LMBR1: variants seen among roughly 807,000 people sequenced by gnomAD.
The protein encoded by LMBR1 is limb development membrane protein 1, also known as limb region 1 protein homolog.
A neutral mutation model predicts 73.9 loss-of-function variants in LMBR1; 52 were observed. The ratio of observed to expected loss-of-function variants is 0.70; its 90% CI spans 0.56 to 0.89. The LOEUF (loss-of-function observed/expected upper bound fraction) is 0.89. LMBR1 is among the 40% of genes least tolerant of loss of function. LMBR1 has a pLI of 0.00. For synonymous variants in LMBR1, 215 were observed against 209.4 expected (o/e 1.03, Z -0.23); for missense variants, 539 against 579.8 (o/e 0.93, Z 0.72).
rs1219267342 is a variant in LMBR1 at position 156,877,860 on chromosome 7, G to T, written c.66+15068C>A. Reference sequence around the variant, plus strand: ...ATCGCGCCACTGCACTCCAGCCTGGGCGACAGAGCGAGACTCCACTCAAAA... The same window carrying T: ...ATCGCGCCACTGCACTCCAGCCTGGTCGACAGAGCGAGACTCCACTCAAAA... On this transcript the variant is annotated intron_variant, in intron 1 of 16. Coordinates refer to ENST00000353442, the MANE Select transcript of LMBR1 (RefSeq NM_022458.4). Among the ~76,000 whole-genome samples, 7 of 148,496 alleles carry T rather than the reference G, an allele frequency of 4.7e-5. No individual in the cohort carries two copies. In the East Asian group the frequency reaches 1.4e-3, roughly 30 times the overall value.
chr7:156,740,299 A>T (rs570553343), intron 9 of LMBR1, among the ~76,000 whole-genome samples: 3 of 152,204 alleles, frequency 2.0e-5, no homozygotes, highest in Non-Finnish European at 2.9e-5. Context: ...GGCAGCAAAG[A>T]GGAGGCAGAG....
downstream of LMBR1, chr7:156,676,930 G>A: frequency 2.6e-6 from 1 of 385,044 alleles, no homozygotes; most frequent in Non-Finnish European, 4.8e-6. Context: ...TAAAAATTGA[G>A]GTTAAGATAT....
intron 15 of LMBR1, among the ~76,000 whole-genome samples, chr7:156,709,752 A>G (rs1811680669): frequency 6.6e-6 from 1 of 152,120 alleles, no homozygotes; most frequent in African/African-American, 2.4e-5. Flanking sequence ...AGTCTACCCA[A>G]ATGAAAAGGA....
At chr7:156,704,207 T>C (rs1810412770) in intron 15 of LMBR1, among the ~76,000 whole-genome samples, 2 of 152,178 alleles carry the variant, frequency 1.3e-5, no homozygotes, top group African/African-American at 4.8e-5. Context: ...ACAGACATGC[T>C]TAGCCCACCA....
intron 1 of LMBR1, among the ~76,000 whole-genome samples, chr7:156,846,815 C>G (rs542407281): frequency 1.8e-4 from 28 of 152,190 alleles, no homozygotes; most frequent in African/African-American, 6.7e-4. Flanking sequence ...TAGTTCAAGA[C>G]AGCTAGAAAC....
chr7:156,734,295 C>A lies in LMBR1; in HGVS notation c.758-38G>T, dbSNP rs751938755. ...AAAAATATTTAGAAGTAAAACAGAA[C>A]CCCTAACACTATAGAACAGGTAGCC... On this transcript the variant is annotated intron_variant, in intron 9 of 16. Transcript: ENST00000353442. 6.7e-6 allele frequency: 9 copies of A among 1,352,478 alleles called. No homozygotes were observed. The South Asian group carries it at 9.1e-5, about 14-fold the overall frequency. 83.8% of individuals were successfully genotyped at this position (1,352,478 alleles called of 1,614,324 possible). A position where few individuals can be genotyped will look rare whatever the true frequency, so the allele number is the denominator to read the frequency against.
At chr7:156,786,157 G>GGGAA (rs1034619589) in intron 5 of LMBR1, among the ~76,000 whole-genome samples, 8 of 148,898 alleles carry the variant, frequency 5.4e-5, no homozygotes, top group East Asian at 2.0e-4. Flanking sequence ...GAGGCCGGGA[G>GGGAA]GGAAGGAAGG....
At chr7:156,676,256 T>A (rs1563105936), downstream of LMBR1, 1 of 1,535,176 alleles carries the variant, frequency 6.5e-7, no homozygotes, top group South Asian at 1.2e-5. Context: ...TATATATATA[T>A]GTATATATAT....
intron 4 of LMBR1, among the ~76,000 whole-genome samples, chr7:156,671,826 G>A (rs1020041174): frequency 7.0e-6 from 1 of 143,412 alleles, no homozygotes; most frequent in Non-Finnish European, 1.5e-5. Context: ...CGGTGCAGCT[G>A]AGGCTAGAAA....
downstream of LMBR1, chr7:156,676,255 A>ATG (rs1803991670): frequency 1.2e-5 from 19 of 1,539,372 alleles, no homozygotes; most frequent in Non-Finnish European, 1.5e-5. Context: ...GTATATATAT[A>ATG]TGTATATATA....
chr7:156,783,997 T>C (rs1827632717), intron 5 of LMBR1, among the ~76,000 whole-genome samples: 1 of 139,142 alleles, frequency 7.2e-6, no homozygotes, highest in Non-Finnish European at 1.5e-5. Flanking sequence ...GGTTTTTTTC[T>C]GTTTTTTTTT....
chr7:156,757,828 C>A (rs1474710000), intron 8 of LMBR1, among the ~76,000 whole-genome samples: 1 of 152,160 alleles, frequency 6.6e-6, no homozygotes. Context: ...CAATAATTCC[C>A]AGCCTTTCAA....
chr7:156,871,066 A>G (rs1237961603), intron 1 of LMBR1, among the ~76,000 whole-genome samples: 1 of 152,042 alleles, frequency 6.6e-6, no homozygotes. Flanking sequence ...CCTTAGCTAG[A>G]CTAAGAAAAA....
intron 15 of LMBR1, among the ~76,000 whole-genome samples, chr7:156,700,452 G>GTT (rs1809410061): frequency 1.3e-5 from 2 of 152,034 alleles, no homozygotes; most frequent in Admixed American, 1.3e-4. Flanking sequence ...TAAATGATGA[G>GTT]TTAATGGGTG....
At chr7:156,724,063 G>C in intron 15 of LMBR1, 49 bp downstream of exon 15, 1 of 1,369,242 alleles carries the variant, frequency 7.3e-7, no homozygotes, top group Non-Finnish European at 1.0e-6. Flanking sequence ...AGTAAAGACA[G>C]TTTTTAAAAA....
intron 15 of LMBR1, among the ~76,000 whole-genome samples, chr7:156,701,708 G>C (rs1809732258): frequency 6.6e-6 from 1 of 152,298 alleles, no homozygotes; most frequent in Non-Finnish European, 1.5e-5. Flanking sequence ...CATGTGCTAT[G>C]GTGGTTTGCT....
chr7:156,831,346 G>A (rs983944056), intron 3 of LMBR1, among the ~76,000 whole-genome samples: 1 of 139,006 alleles, frequency 7.2e-6, no homozygotes, highest in Non-Finnish European at 1.5e-5. Context: ...TGAGAACTCT[G>A]TTTTACATAC....
At chr7:156,692,993 A>G (rs1377574875) in intron 15 of LMBR1, among the ~76,000 whole-genome samples, 1 of 152,214 alleles carries the variant, frequency 6.6e-6, no homozygotes, top group African/African-American at 2.4e-5. Flanking sequence ...ATTATACTAG[A>G]TAGGATTAAT....
intron 9 of LMBR1, among the ~76,000 whole-genome samples, chr7:156,755,138 T>C (rs1256738813): frequency 6.6e-6 from 1 of 152,240 alleles, no homozygotes; most frequent in African/African-American, 2.4e-5. Context: ...CTGTAACATT[T>C]CTATGCCAGT....
Sources: gnomAD v4.1 joint callset for allele counts (sites outside exome capture counted in the v4.1 genomes callset) on GRCh38, gnomAD v4.1.1 for gene constraint, MANE v1.5 for transcripts, NCBI Gene and HGNC (gene_info 2026-07-23, HGNC 2026-07-21) for gene names.